Variants in MACROD2 observed in about 807,000 individuals in gnomAD.
MACROD2 encodes the protein ADP-ribose glycohydrolase MACROD2.
MACROD2 carries 36 observed loss-of-function variants against 70.4 expected under a neutral mutation model. That is an observed-to-expected ratio of 0.51 (90% CI 0.39 to 0.68). The LOEUF is 0.68. Ranked by LOEUF, MACROD2 falls within the 30% of genes least tolerant of loss-of-function variation. MACROD2 has a pLI of 0.00. For synonymous variants in MACROD2, 172 were observed against 178.8 expected (o/e 0.96, Z 0.30); for missense variants, 496 against 538.4 (o/e 0.92, Z 0.78).
intron 3 of MACROD2, among the ~76,000 whole-genome samples, chr20:14,216,829 A>C (rs1464028807): frequency 6.6e-6 from 1 of 152,020 alleles, no homozygotes; most frequent in African/African-American, 2.4e-5. Context: ...TGGTGTATAG[A>C]AGAGCTACTG....
At chr20:15,417,356 C>T (rs1030325314) in intron 6 of MACROD2, among the ~76,000 whole-genome samples, 4 of 150,922 alleles carry the variant, frequency 2.7e-5, no homozygotes, top group South Asian at 4.2e-4. Context: ...TTTGGAAGGC[C>T]GAGGCAGGAG....
At chr20:15,315,166 G>A (rs777584910) in intron 6 of MACROD2, among the ~76,000 whole-genome samples, 8 of 152,130 alleles carry the variant, frequency 5.3e-5, no homozygotes, top group Non-Finnish European at 7.4e-5. Context: ...TAAAAAACCT[G>A]TAATATGTAT....
intron 2 of MACROD2, among the ~76,000 whole-genome samples, chr20:14,072,367 T>C (rs1379498564): frequency 6.6e-6 from 1 of 152,078 alleles, no homozygotes; most frequent in Admixed American, 6.5e-5. Context: ...CTAAAAATGG[T>C]ATATGAGAGC....
intron 4 of MACROD2, among the ~76,000 whole-genome samples, chr20:14,589,277 G>A (rs775528183): frequency 1.3e-5 from 2 of 151,926 alleles, no homozygotes; most frequent in Non-Finnish European, 2.9e-5. Flanking sequence ...TGCTAAAATC[G>A]CTATTCTTTT....
At chr20:15,829,461 G>A (rs531284630) in intron 8 of MACROD2, among the ~76,000 whole-genome samples, 5 of 152,148 alleles carry the variant, frequency 3.3e-5, no homozygotes, top group East Asian at 3.9e-4. Flanking sequence ...CATCCAGGCC[G>A]TAGATACTAT....
intron 8 of MACROD2, among the ~76,000 whole-genome samples, chr20:15,817,838 G>A (rs41439350): frequency 6.0e-4 from 92 of 152,204 alleles, no homozygotes; most frequent in African/African-American, 2.2e-3. Context: ...AGAATAAAGC[G>A]TAGGTGCATC....
chr20:14,103,308 C>G (rs946979758), intron 3 of MACROD2, among the ~76,000 whole-genome samples: 5 of 152,098 alleles, frequency 3.3e-5, no homozygotes, highest in African/African-American at 1.2e-4. Context: ...ACAAAGTCTT[C>G]CAGAGTCTTT....
chr20:15,573,165 A>T (rs2048398150), intron 8 of MACROD2, among the ~76,000 whole-genome samples: 1 of 152,172 alleles, frequency 6.6e-6, no homozygotes, highest in East Asian at 1.9e-4. Context: ...CTCATGTTAT[A>T]TTTCACTAAG....
At chr20:15,097,683 C>A (rs1014167691) in intron 5 of MACROD2, among the ~76,000 whole-genome samples, 1 of 152,150 alleles carries the variant, frequency 6.6e-6, no homozygotes, top group African/African-American at 2.4e-5. Flanking sequence ...CAAAAATATG[C>A]AAGGCCATGC....
rs1180613085 is a variant in MACROD2, at chr20:14,862,630, A to AAT, written c.418+177681_418+177682dup. On this transcript the variant is annotated intron_variant, in intron 5 of 17. Coordinates refer to ENST00000684519, the MANE Select transcript of MACROD2 (RefSeq NM_001351661.2). ...AAATATATATAAATATATATATATAAATATATATATAAATATATATATATA... is the reference window on the plus strand; with the variant it reads ...AAATATATATAAATATATATATATAAATATATATATATAAATATATATATATA... 5.9e-4 allele frequency among the ~76,000 whole-genome samples: 6 copies of AAT among 10,210 alleles called. No homozygotes were observed. In the South Asian group the frequency reaches 0.014, roughly 23 times the overall value. The allele number at this position is 10,210 out of a possible 152,430, so 6.7% of individuals were successfully genotyped here. A position where few individuals can be genotyped will look rare whatever the true frequency, so the allele number is the denominator to read the frequency against.
chr20:16,012,467 T>A (rs980552403), intron 15 of MACROD2, among the ~76,000 whole-genome samples: 1 of 152,170 alleles, frequency 6.6e-6, no homozygotes, highest in Non-Finnish European at 1.5e-5. Flanking sequence ...ATCAGCATTT[T>A]AAAAATCTCC....
chr20:15,762,126 T>G (rs1285677142), intron 8 of MACROD2, among the ~76,000 whole-genome samples: 1 of 152,148 alleles, frequency 6.6e-6, no homozygotes, highest in Non-Finnish European at 1.5e-5. Flanking sequence ...TAGGTTTGAA[T>G]AATAATAATA....
At chr20:15,518,945 A>T (rs2047606447) in intron 8 of MACROD2, among the ~76,000 whole-genome samples, 2 of 152,188 alleles carry the variant, frequency 1.3e-5, no homozygotes, top group Non-Finnish European at 2.9e-5. Flanking sequence ...TGTTTTGCTA[A>T]GTGTTTATGT....
At chr20:14,017,960 T>C (rs2053017255) in intron 2 of MACROD2, among the ~76,000 whole-genome samples, 1 of 152,208 alleles carries the variant, frequency 6.6e-6, no homozygotes, top group Non-Finnish European at 1.5e-5. Flanking sequence ...TGGTTACTTA[T>C]TCAGTCTCCT....
At chr20:15,514,221 G>A (rs974438329) in intron 8 of MACROD2, among the ~76,000 whole-genome samples, 5 of 152,174 alleles carry the variant, frequency 3.3e-5, no homozygotes, top group African/African-American at 4.8e-5. Context: ...TACATGTACA[G>A]TGTGTATAAA....
intron 8 of MACROD2, among the ~76,000 whole-genome samples, chr20:15,848,369 G>T (rs1029679933): frequency 6.6e-6 from 1 of 151,918 alleles, no homozygotes; most frequent in African/African-American, 2.4e-5. Flanking sequence ...CAGGGGGAGG[G>T]GGGGGTCATC....
chr20:14,157,154 C>A (rs1257774777), intron 3 of MACROD2, among the ~76,000 whole-genome samples: 3 of 152,158 alleles, frequency 2.0e-5, no homozygotes, highest in African/African-American at 7.2e-5. Flanking sequence ...AAGTGAGGCT[C>A]CCTATTCATG....
At chr20:15,956,116 A>G (rs1016368006) in intron 12 of MACROD2, among the ~76,000 whole-genome samples, 1 of 152,214 alleles carries the variant, frequency 6.6e-6, no homozygotes, top group African/African-American at 2.4e-5. Flanking sequence ...CACTAGCCAC[A>G]TGTGGCTGGC....
intron 7 of MACROD2, among the ~76,000 whole-genome samples, chr20:15,435,227 CA>C (rs1194723674): frequency 1.3e-5 from 2 of 151,972 alleles, no homozygotes; most frequent in Non-Finnish European, 2.9e-5. Flanking sequence ...CACTATAATA[CA>C]AAAAAGCAGA....
Sources: gnomAD v4.1 joint callset for allele counts (sites outside exome capture counted in the v4.1 genomes callset) on GRCh38, gnomAD v4.1.1 for gene constraint, MANE v1.5 for transcripts, NCBI Gene and HGNC (gene_info 2026-07-23, HGNC 2026-07-21) for gene names.